The following MSI2 variants were observed in gnomAD, a reference collection of about 807,000 sequenced individuals.
MSI2 encodes RNA-binding protein Musashi homolog 2.
Under a neutral mutation model 45.6 loss-of-function variants are expected in MSI2, and 17 were observed. The ratio of observed to expected loss-of-function variants is 0.37; its 90% CI spans 0.26 to 0.56. The LOEUF (loss-of-function observed/expected upper bound fraction) is 0.56. Among genes scored for constraint, MSI2 ranks in the 20% least tolerant of loss-of-function variants. MSI2 has a pLI of 0.77. For synonymous variants in MSI2, 156 were observed against 158.2 expected (o/e 0.99, Z 0.11); for missense variants, 293 against 444.2 (o/e 0.66, Z 3.06).
At chr17:57,580,079 A>G (rs967233623) in intron 7 of MSI2, among the ~76,000 whole-genome samples, 9 of 152,276 alleles carry the variant, frequency 5.9e-5, no homozygotes, top group African/African-American at 2.2e-4. Flanking sequence ...AAAAAAAAAA[A>G]AATAGAACCA....
chr17:57,611,409 C>T lies in MSI2; in HGVS notation c.538-4561C>T, dbSNP rs996077387. On this transcript the variant is annotated intron_variant, in intron 8 of 13. Transcript: ENST00000284073. The stretch of plus-strand genomic sequence containing the variant: ...CCTAGGTGCCCACTGCTCCAAGGAC[C>T]CAGCCAGCCAAAAGCCAGAGTGTGA... Among the ~76,000 whole-genome samples the T allele has an allele frequency of 2.1e-5, 2 of 95,926 alleles. 1 individual carries two copies. Among genetic ancestry groups the T allele is most frequent in the Non-Finnish European group, 5.0e-5 (2 of 39,766 alleles). The allele number at this position is 95,926 out of a possible 152,430, so 62.9% of individuals were successfully genotyped here. A position where few individuals can be genotyped will look rare whatever the true frequency, so the allele number is the denominator to read the frequency against.
At chr17:57,393,150 C>T (rs1481739597) in intron 5 of MSI2, among the ~76,000 whole-genome samples, 1 of 152,122 alleles carries the variant, frequency 6.6e-6, no homozygotes, top group Non-Finnish European at 1.5e-5. Context: ...GGTTGAAGAT[C>T]CCTAATCTGA....
At chr17:57,293,754 A>ATG (rs1910683410) in intron 5 of MSI2, among the ~76,000 whole-genome samples, 1 of 151,656 alleles carries the variant, frequency 6.6e-6, no homozygotes, top group African/African-American at 2.4e-5. Context: ...GGTTACAGGC[A>ATG]TGCGCCACCA....
intron 10 of MSI2, among the ~76,000 whole-genome samples, chr17:57,633,889 A>G (rs1204058629): frequency 6.6e-6 from 1 of 152,154 alleles, no homozygotes; most frequent in South Asian, 2.1e-4. Context: ...TCCCATTTTT[A>G]TCCCCCATGA....
chr17:57,259,508 T>C (rs1342123227), intron 4 of MSI2, among the ~76,000 whole-genome samples: 1 of 152,238 alleles, frequency 6.6e-6, no homozygotes, highest in Admixed American at 6.5e-5. Flanking sequence ...TGAATTGATT[T>C]TGCAAATTCA....
At chr17:57,645,116 T>C (rs999101909) in intron 10 of MSI2, among the ~76,000 whole-genome samples, 1 of 152,228 alleles carries the variant, frequency 6.6e-6, no homozygotes, top group African/African-American at 2.4e-5. Context: ...TCAAGGGTTC[T>C]CTGCCTACAC....
intron 13 of MSI2, among the ~76,000 whole-genome samples, chr17:57,677,995 G>A (rs1913353395): frequency 6.6e-6 from 1 of 152,238 alleles, no homozygotes. Context: ...GGTGACAGCT[G>A]AGGCCAGGGA....
At chr17:57,527,428 A>C (rs989516560) in intron 6 of MSI2, among the ~76,000 whole-genome samples, 9 of 151,660 alleles carry the variant, frequency 5.9e-5, no homozygotes, top group Admixed American at 5.3e-4. Flanking sequence ...GGGAGGTGGA[A>C]CGGCTGTTGT....
chr17:57,427,536 G>T (rs2084516809), intron 6 of MSI2, among the ~76,000 whole-genome samples: 1 of 152,200 alleles, frequency 6.6e-6, no homozygotes, highest in South Asian at 2.1e-4. Context: ...TCCCGCTGAT[G>T]AATGAAATGT....
intron 6 of MSI2, among the ~76,000 whole-genome samples, chr17:57,455,588 G>A (rs2085098703): frequency 6.6e-6 from 1 of 152,168 alleles, no homozygotes; most frequent in Non-Finnish European, 1.5e-5. Flanking sequence ...TGCCCCCTGA[G>A]TGGAGAAGTT....
chr17:57,478,198 A>G (rs1470845892), intron 6 of MSI2, among the ~76,000 whole-genome samples: 1 of 152,184 alleles, frequency 6.6e-6, no homozygotes, highest in Non-Finnish European at 1.5e-5. Flanking sequence ...CAGTTCATCC[A>G]GAGGCCCCCT....
At chr17:57,646,339 C>T (rs770990839) in intron 10 of MSI2, among the ~76,000 whole-genome samples, 1 of 152,224 alleles carries the variant, frequency 6.6e-6, no homozygotes, top group African/African-American at 2.4e-5. Context: ...CCATTGACTT[C>T]TAATTTGCAC....
chr17:57,669,888 A>T (rs550441700), intron 11 of MSI2, among the ~76,000 whole-genome samples: 88 of 152,304 alleles, frequency 5.8e-4, no homozygotes, highest in African/African-American at 2.0e-3. Context: ...ACCAGGGGCC[A>T]CTGCGGTCTT....
intron 5 of MSI2, chr17:57,265,135 C>A (rs1028034818): frequency 6.6e-6 from 1 of 152,132 alleles, no homozygotes; most frequent in South Asian, 2.1e-4. Flanking sequence ...GCCTGGCCAC[C>A]GGGATTTCAG....
At chr17:57,283,601 A>C (rs915986389) in intron 5 of MSI2, among the ~76,000 whole-genome samples, 1 of 152,194 alleles carries the variant, frequency 6.6e-6, no homozygotes, top group Admixed American at 6.5e-5. Context: ...CAAATCCCCC[A>C]ACTAGAAACA....
chr17:57,560,225 A>G (rs1037309701), intron 7 of MSI2, among the ~76,000 whole-genome samples: 2 of 152,198 alleles, frequency 1.3e-5, no homozygotes, highest in Admixed American at 1.3e-4. Flanking sequence ...TTGCCCTGCT[A>G]GCTGGCTTTT....
chr17:57,601,584 G>A (rs1262552118), intron 8 of MSI2: 1 of 152,498 alleles, frequency 6.6e-6, no homozygotes, highest in Non-Finnish European at 1.5e-5. Flanking sequence ...CAGCAGGAAG[G>A]GAGGTGAGAA....
chr17:57,516,141 A>G (rs2086465149), intron 6 of MSI2, among the ~76,000 whole-genome samples: 1 of 152,212 alleles, frequency 6.6e-6, no homozygotes, highest in Non-Finnish European at 1.5e-5. Context: ...CAATCAGGAT[A>G]TATAATAGAA....
At chr17:57,327,320 G>A (rs1329908247) in intron 5 of MSI2, among the ~76,000 whole-genome samples, 1 of 152,150 alleles carries the variant, frequency 6.6e-6, no homozygotes, top group Admixed American at 6.5e-5. Context: ...GCCCAGAGAG[G>A]TAACGTGACT....
Sources: allele counts gnomAD v4.1 joint callset (sites outside exome capture counted in the v4.1 genomes callset), GRCh38; gene constraint gnomAD v4.1.1; transcripts MANE v1.5; gene names NCBI Gene and HGNC (gene_info 2026-07-23, HGNC 2026-07-21).